The following HPSE2 variants were observed in gnomAD, a reference collection of about 807,000 sequenced individuals.
The protein encoded by HPSE2 is inactive heparanase-2.
A neutral mutation model predicts 60.5 loss-of-function variants in HPSE2; 38 were observed. The observed-to-expected ratio is 0.63, with a 90% confidence interval of 0.48 to 0.82. HPSE2 has a LOEUF of 0.82. Among genes scored for constraint, HPSE2 ranks in the 40% least tolerant of loss-of-function variants. The pLI is 0.00. For synonymous variants in HPSE2, 295 were observed against 293.2 expected (o/e 1.01, Z -0.06); for missense variants, 713 against 740.4 (o/e 0.96, Z 0.43).
chr10:99,237,283 C>G (rs1849882875), upstream of HPSE2, among the ~76,000 whole-genome samples: 1 of 152,112 alleles, frequency 6.6e-6, no homozygotes, highest in Non-Finnish European at 1.5e-5. Flanking sequence ...GCGTCCAGGG[C>G]CCTCCTTGGT....
chr10:99,201,529 T>G (rs1397700863), intron 2 of HPSE2, among the ~76,000 whole-genome samples: 1 of 152,156 alleles, frequency 6.6e-6, no homozygotes, highest in Non-Finnish European at 1.5e-5. Flanking sequence ...TGTCTCAGAT[T>G]GTCTTCCACA....
intron 9 of HPSE2, among the ~76,000 whole-genome samples, chr10:98,549,191 G>C (rs596448): frequency 0.4 from 60,357 of 152,012 alleles, 12,533 homozygotes; most frequent in East Asian, 0.53. Flanking sequence ...CTCTCATAGA[G>C]AGACATTGGG....
intron 3 of HPSE2, among the ~76,000 whole-genome samples, chr10:98,849,250 T>C (rs1226453697): frequency 6.6e-6 from 1 of 152,186 alleles, no homozygotes; most frequent in East Asian, 1.9e-4. Context: ...ACTTTCACCA[T>C]AGTCTGTGTA....
At chr10:98,549,560 GCACTGACAAA>G in intron 9 of HPSE2, among the ~76,000 whole-genome samples, 1 of 152,174 alleles carries the variant, frequency 6.6e-6, no homozygotes, top group Admixed American at 6.5e-5. Flanking sequence ...CTCCCTTGCA[GCACTGACAAA>G]CTTCTTTAAA....
At chr10:99,088,497 C>T (rs557782081) in intron 3 of HPSE2, among the ~76,000 whole-genome samples, 1 of 152,272 alleles carries the variant, frequency 6.6e-6, no homozygotes, top group Non-Finnish European at 1.5e-5. Context: ...GAATAATGGT[C>T]TCCAATTCCA....
intron 9 of HPSE2, among the ~76,000 whole-genome samples, chr10:98,546,655 A>G (rs1332820290): frequency 1.3e-5 from 2 of 151,442 alleles, no homozygotes; most frequent in Non-Finnish European, 3.0e-5. Flanking sequence ...AAATTAATTC[A>G]AGATGGATTA....
In HPSE2 at chr10:99,002,326, T is replaced by C. The variant is rs1335169510; in HGVS notation, c.610+141912A>G. Among the ~76,000 whole-genome samples the C allele has an allele frequency of 5.3e-5, 8 of 152,220 alleles. No individual in the cohort carries two copies. In the East Asian group the frequency reaches 1.5e-3, roughly 29 times the overall value. On this transcript the variant is annotated intron_variant, in intron 3 of 11. Transcript: ENST00000370552. ...GGAGCATAACTCTCCACTCTTTAAG[T>C]GTGGGCTGCACATAGTAGTGACTTC...
the HPSE2 span, among the ~76,000 whole-genome samples, chr10:99,282,025 C>T: frequency 2.0e-5 from 3 of 151,962 alleles, no homozygotes; most frequent in African/African-American, 4.8e-5. Context: ...TTTGGGAGGC[C>T]GAGGTAGGCA....
intron 9 of HPSE2, among the ~76,000 whole-genome samples, chr10:98,609,372 A>G (rs1387349268): frequency 1.3e-5 from 2 of 152,226 alleles, no homozygotes; most frequent in African/African-American, 4.8e-5. Context: ...AACATGAATA[A>G]TAAGTGAACA....
At chr10:98,811,034 C>G (rs1401436968) in intron 3 of HPSE2, among the ~76,000 whole-genome samples, 2 of 152,066 alleles carry the variant, frequency 1.3e-5, no homozygotes, top group Non-Finnish European at 2.9e-5. Context: ...TATAACCCAG[C>G]CTTTGCCTTC....
chr10:98,810,736 C>A (rs7098316), intron 3 of HPSE2, among the ~76,000 whole-genome samples: 111,765 of 151,586 alleles, frequency 0.74, 41,996 homozygotes, highest in Non-Finnish European at 0.83. Context: ...AATATGCTAA[C>A]AATAATGACA....
At chr10:98,617,706 A>AC (rs1269678136) in intron 8 of HPSE2, among the ~76,000 whole-genome samples, 1 of 152,166 alleles carries the variant, frequency 6.6e-6, no homozygotes, top group African/African-American at 2.4e-5. Flanking sequence ...TGATAAAATG[A>AC]CTGGTATATC....
At chr10:98,733,141 C>A (rs998423225) in intron 4 of HPSE2, among the ~76,000 whole-genome samples, 55 of 152,150 alleles carry the variant, frequency 3.6e-4, no homozygotes, top group African/African-American at 1.3e-3. Flanking sequence ...ATGTGTGTGA[C>A]ACAGGGTCTT....
At chr10:99,128,445 T>C (rs1032840689) in intron 3 of HPSE2, among the ~76,000 whole-genome samples, 5 of 152,014 alleles carry the variant, frequency 3.3e-5, no homozygotes, top group African/African-American at 7.2e-5. Context: ...CCATCAATGA[T>C]AGACTGAATA....
chr10:98,700,197 G>A (rs1203556091), intron 5 of HPSE2, among the ~76,000 whole-genome samples: 2 of 151,816 alleles, frequency 1.3e-5, no homozygotes, highest in Admixed American at 6.6e-5. Flanking sequence ...TCAATCCTAA[G>A]CCAAAAGAAT....
chr10:99,105,726 T>C (rs1175030147), intron 3 of HPSE2, among the ~76,000 whole-genome samples: 2 of 152,116 alleles, frequency 1.3e-5, no homozygotes, highest in Admixed American at 6.6e-5. Flanking sequence ...CTTTCTCCTA[T>C]CTTTTATTGT....
chr10:98,874,063 T>A (rs1952806832), intron 3 of HPSE2, among the ~76,000 whole-genome samples: 1 of 152,164 alleles, frequency 6.6e-6, no homozygotes, highest in Non-Finnish European at 1.5e-5. Flanking sequence ...TGGAGTTGTT[T>A]CTTATCAATT....
At chr10:98,672,577 A>AT (rs1195981523) in intron 6 of HPSE2, among the ~76,000 whole-genome samples, 1 of 152,198 alleles carries the variant, frequency 6.6e-6, no homozygotes, top group African/African-American at 2.4e-5. Flanking sequence ...GGGAGATGGG[A>AT]TAAGAGTGCT....
chr10:99,114,473 T>C (rs1361490862), intron 3 of HPSE2, among the ~76,000 whole-genome samples: 1 of 152,100 alleles, frequency 6.6e-6, no homozygotes, highest in Non-Finnish European at 1.5e-5. Context: ...CAAAGGAAGA[T>C]GAAAAACAAG....
Sources: allele counts gnomAD v4.1 joint callset (sites outside exome capture counted in the v4.1 genomes callset), GRCh38; gene constraint gnomAD v4.1.1; transcripts MANE v1.5; gene names NCBI Gene and HGNC (gene_info 2026-07-23, HGNC 2026-07-21).